HEATR1: variants seen among roughly 807,000 people sequenced by gnomAD.
HEATR1 encodes HEAT repeat-containing protein 1.
In HEATR1, 77 loss-of-function variants were observed where a neutral mutation model predicts 248.2. That is an observed-to-expected ratio of 0.31 (90% CI 0.26 to 0.37). The LOEUF (loss-of-function observed/expected upper bound fraction) is 0.37. Among genes scored for constraint, HEATR1 ranks in the 10% least tolerant of loss-of-function variants. The probability of loss-of-function intolerance (pLI) is 1.00; values close to 1 mark genes in which losing one functional copy is unlikely to be tolerated. For missense variants in HEATR1, 2,420 were observed against 2,504.9 expected, an observed-to-expected ratio of 0.97 and a Z score of 0.72; for synonymous variants, 897 against 923.1, an observed-to-expected ratio of 0.97 and a Z score of 0.51.
chr1:236,555,565 G>T lies in HEATR1; in HGVS notation c.5740C>A (p.Pro1914Thr), dbSNP rs752914800. The change falls in exon 40 of 45, where the codon CCC (proline) becomes ACC (threonine). Residue 1914 changes from proline to threonine, a missense_variant. Transcript: ENST00000366582. ...GAAAGCGTCACCTTGAAGAACAGGG[G>T]CCTGAATGTGACCTCGGAAAGTTTG... The part of the protein sequence containing the change: ...VVKLSEVTFR[P>T]LFFKLFDWAK... The T allele has an allele frequency of 6.2e-7, 1 of 1,614,190 alleles. No individual in the cohort carries two copies. The highest frequency in any genetic ancestry group is 1.1e-5 in the South Asian group (1 of 91,090).
intron 34 of HEATR1, 86 bp from the exon 35 acceptor site, chr1:236,559,221 G>T: frequency 9.6e-7 from 1 of 1,038,866 alleles, no homozygotes; most frequent in Non-Finnish European, 1.3e-6. Flanking sequence ...GCTGTCCACT[G>T]CACACCTCCA....
intron 9 of HEATR1, 62 bp downstream of exon 9, chr1:236,593,947 AATC>A (rs1416691027): frequency 9.3e-7 from 1 of 1,080,300 alleles, no homozygotes; most frequent in African/African-American, 1.6e-5. Flanking sequence ...ATTTCTAACC[AATC>A]TTGAAAATTA....
At chr1:236,561,585 T>C (rs958271142) in intron 32 of HEATR1, among the ~76,000 whole-genome samples, 20 of 152,206 alleles carry the variant, frequency 1.3e-4, no homozygotes, top group East Asian at 1.9e-4. Flanking sequence ...ATATCCTTTG[T>C]TGAGAAGTTA....
intron 32 of HEATR1, among the ~76,000 whole-genome samples, chr1:236,562,253 T>G (rs1320585201): frequency 6.6e-6 from 1 of 152,250 alleles, no homozygotes; most frequent in East Asian, 1.9e-4. Flanking sequence ...GCTTTTTGAT[T>G]TATGCAGAGC....
At chr1:236,558,623 A>G in intron 35 of HEATR1, 94 bp from the exon 36 acceptor site, 1 of 1,286,304 alleles carries the variant, frequency 7.8e-7, no homozygotes, top group Non-Finnish European at 1.1e-6. Flanking sequence ...TCTAAATGGA[A>G]ATCAGACTCG....
At position 236,599,609 on chromosome 1, in the gene HEATR1, G is replaced by C. The variant is rs1255402180; in HGVS notation, c.375C>G (p.Leu125=). 17 of 1,611,570 alleles carry C rather than the reference G, an allele frequency of 1.1e-5. No individual in the cohort carries two copies. The highest frequency in any genetic ancestry group is 1.4e-5 in the Non-Finnish European group (17 of 1,178,762). The change falls in exon 4 of 45, where the codon CTC becomes CTG. Residue 125 remains leucine, a synonymous_variant. Transcript: ENST00000366582. Reference sequence around the variant, plus strand: ...AAGCAATGAGGCTATCTTGATTATAGAGATGTATATGGAACCTGGGGAAAA... The same window carrying C: ...AAGCAATGAGGCTATCTTGATTATACAGATGTATATGGAACCTGGGGAAAA... ...EWLIHRFHIH[L]YNQDSLIACV... is the part of the protein sequence containing the mutation.
At position 236,565,943 on chromosome 1, in the gene HEATR1, G is replaced by T. The variant is rs145126908; in HGVS notation, c.4411C>A (p.Leu1471Ile). 1.2e-6 allele frequency: 2 copies of T among 1,613,588 alleles called. No individual in the cohort carries two copies. Among genetic ancestry groups the T allele is most frequent in the African/African-American group, 2.7e-5 (2 of 75,032 alleles). The change falls in exon 31 of 45, where the codon CTA (leucine) becomes ATA (isoleucine). Residue 1471 changes from leucine to isoleucine, a missense_variant. Leu to Ile is a conservative substitution (Grantham distance 5). Transcript: ENST00000366582. ...QSLMNILQYLLKLPEEKEETI... is the reference protein window; with the variant it reads ...QSLMNILQYLIKLPEEKEETI... Reference sequence around the variant, plus strand: ...CCTTCTTTTTCCTCTGGCAGCTTTAGTAAGTACTGGAGGATATTCATCAAG... The same window carrying T: ...CCTTCTTTTTCCTCTGGCAGCTTTATTAAGTACTGGAGGATATTCATCAAG...
chr1:236,555,193 G>A, intron 41 of HEATR1, 103 bp downstream of exon 41: 1 of 1,209,442 alleles, frequency 8.3e-7, no homozygotes, highest in Non-Finnish European at 1.2e-6. Flanking sequence ...TAGGACTTAA[G>A]AACCTCTAAA....
intron 29 of HEATR1, among the ~76,000 whole-genome samples, chr1:236,567,705 G>A (rs967600609): frequency 1.0e-5 from 1 of 100,490 alleles, no homozygotes; most frequent in Non-Finnish European, 2.2e-5. Context: ...GCAAAACTCT[G>A]TCTCAAACAA....
In HEATR1 at chr1:236,571,485, G is replaced by A. The variant is rs748035313; in HGVS notation, c.3827-13C>T. The stretch of plus-strand genomic sequence containing the variant: ...TCATCTAAAATATCTACAATGGTGA[G>A]AAAGACAAAAACCCTAAGTGGCAGG... On this transcript the variant is annotated splice_polypyrimidine_tract_variant and intron_variant, in intron 27 of 44. Transcript: ENST00000366582. 1.2e-6 allele frequency: 2 copies of A among 1,613,416 alleles called. No homozygotes were observed. The highest frequency in any genetic ancestry group is 1.7e-6 in the Non-Finnish European group (2 of 1,179,892).
intron 14 of HEATR1, 67 bp from the exon 15 acceptor site, chr1:236,586,519 TCATTA>T (rs1376402496): frequency 1.2e-5 from 11 of 939,108 alleles, no homozygotes; most frequent in African/African-American, 8.1e-5. Flanking sequence ...CAAAAATTCA[TCATTA>T]CATTACTCCA....
In HEATR1 at chr1:236,582,786, T is replaced by C. The variant is rs147175308; in HGVS notation, c.2512A>G (p.Asn838Asp). The change falls in exon 19 of 45, where the codon AAT (asparagine) becomes GAT (aspartate). Residue 838 changes from asparagine to aspartate, a missense_variant. By Grantham distance (23) the Asn-to-Asp change is conservative (BLOSUM62 1). Transcript: ENST00000366582. The part of the protein sequence containing the change: ...LLIGLFEMML[N>D]GADAVHFRVL... ...CTGAAATGAACAGCATCGGCACCATTGAGCATCATCTCAAACAGCCCAATG... is the reference window on the plus strand; with the variant it reads ...CTGAAATGAACAGCATCGGCACCATCGAGCATCATCTCAAACAGCCCAATG... 1.9e-6 allele frequency: 3 copies of C among 1,614,072 alleles called. No individual in the cohort carries two copies. Among genetic ancestry groups the C allele is most frequent in the African/African-American group, 2.7e-5 (2 of 74,914 alleles).
chr1:236,598,613 G>C (rs1453925591), intron 4 of HEATR1, among the ~76,000 whole-genome samples: 2 of 152,112 alleles, frequency 1.3e-5, no homozygotes, highest in Admixed American at 1.3e-4. Context: ...ATCAAAGGCT[G>C]GCCTTCTCCA....
chr1:236,597,824 T>A, intron 5 of HEATR1, 54 bp downstream of exon 5: 3 of 1,165,216 alleles, frequency 2.6e-6, no homozygotes, highest in Non-Finnish European at 3.8e-6. Context: ...TTTTCTTCAT[T>A]CAAAGCAAGC....
intron 12 of HEATR1, among the ~76,000 whole-genome samples, chr1:236,589,090 C>T (rs1361882285): frequency 6.6e-6 from 1 of 152,124 alleles, no homozygotes; most frequent in African/African-American, 2.4e-5. Context: ...ATCCTCAAGC[C>T]TGTAAGTTGA....
intron 9 of HEATR1, among the ~76,000 whole-genome samples, chr1:236,592,969 C>T (rs947366472): frequency 2.6e-5 from 4 of 152,030 alleles, no homozygotes; most frequent in Admixed American, 6.6e-5. Flanking sequence ...CCAAGGTGGG[C>T]GGATCACCTG....
At position 236,574,264 on chromosome 1, in the gene HEATR1, C is replaced by CA. The variant is rs1252110118; in HGVS notation, c.3396dup (p.Asp1133Ter). 6.2e-7 allele frequency: 1 copy of CA among 1,612,818 alleles called. No individual in the cohort carries two copies. Among genetic ancestry groups the CA allele is most frequent in the Non-Finnish European group, 8.5e-7 (1 of 1,179,386 alleles). On this transcript the variant is annotated frameshift_variant, in exon 24 of 45. Coordinates refer to ENST00000366582, the MANE Select transcript of HEATR1 (RefSeq NM_018072.6). LOFTEE classifies it high-confidence loss of function. The stretch of plus-strand genomic sequence containing the variant: ...GAGTTTTTACAGTTCACCAATAAAT[C>CA]AAACAACATTCTTAAAAGCTTCTGC...
At position 236,573,806 on chromosome 1, in the gene HEATR1, C is replaced by T. The variant is rs914535654; in HGVS notation, c.3459+396G>A. On this transcript the variant is annotated intron_variant, in intron 24 of 44. Transcript: ENST00000366582. The stretch of plus-strand genomic sequence containing the variant: ...GGTTTCAATATACGTATAAAACCAA[C>T]AAGCAGAATTTCAATTCCATTATAT... 2.6e-5 allele frequency among the ~76,000 whole-genome samples: 4 copies of T among 152,158 alleles called. No homozygotes were observed. The East Asian group carries it at 5.8e-4, about 22-fold the overall frequency.
Position 236,583,051 on chromosome 1 carries a change from A to C in HEATR1, c.2387T>G (p.Phe796Cys), listed in dbSNP as rs778995015. 5 of 1,614,038 alleles carry C rather than the reference A, an allele frequency of 3.1e-6. No homozygotes were observed. In the East Asian group the frequency reaches 8.9e-5, roughly 29 times the overall value. Residue 796 changes from phenylalanine to cysteine, a missense_variant, in exon 18 of 45, where the codon TTT becomes TGT. By Grantham distance (205) the Phe-to-Cys change is radical. Coordinates refer to ENST00000366582, the MANE Select transcript of HEATR1 (RefSeq NM_018072.6). ...SVFLVFSLKK[F>C]IYALKAPKSF... ...TTTAGGAGCTTTCAGTGCATAAATA[A>C]ATTTTTTCAAGGAAAATACAAGAAA...
Sources: allele counts gnomAD v4.1 joint callset (sites outside exome capture counted in the v4.1 genomes callset), GRCh38; gene constraint gnomAD v4.1.1; transcripts MANE v1.5; gene names NCBI Gene and HGNC (gene_info 2026-07-23, HGNC 2026-07-21).